Variants in DOCK3 observed in about 807,000 individuals in gnomAD.
The protein encoded by DOCK3 is dedicator of cytokinesis 3.
DOCK3 carries 60 observed loss-of-function variants against 265.6 expected under a neutral mutation model. The ratio of observed to expected loss-of-function variants is 0.23; its 90% CI spans 0.18 to 0.28. The LOEUF (loss-of-function observed/expected upper bound fraction) is 0.28, where lower values mean the gene tolerates loss of function less well. Ranked by LOEUF, DOCK3 falls within the 10% of genes least tolerant of loss-of-function variation. The pLI is 1.00. For synonymous variants in DOCK3, 881 were observed against 938.0 expected (o/e 0.94, Z 1.11); for missense variants, 1,981 against 2,594.3 (o/e 0.76, Z 5.14).
intron 3 of DOCK3, among the ~76,000 whole-genome samples, chr3:50,864,203 T>G (rs2047037980): frequency 6.6e-6 from 1 of 152,202 alleles, no homozygotes; most frequent in African/African-American, 2.4e-5. Flanking sequence ...TTCCTGATTA[T>G]TAGTGATATT....
At chr3:50,677,494 C>T (rs1374300830) in intron 1 of DOCK3, among the ~76,000 whole-genome samples, 1 of 152,192 alleles carries the variant, frequency 6.6e-6, no homozygotes, top group Non-Finnish European at 1.5e-5. Context: ...TAACCATTAT[C>T]ATTTTCCTGT....
intron 1 of DOCK3, among the ~76,000 whole-genome samples, chr3:50,680,711 A>G (rs570495466): frequency 6.7e-6 from 1 of 149,522 alleles, no homozygotes; most frequent in African/African-American, 2.5e-5. Context: ...GGGTCTTGCT[A>G]TTTTACTCAG....
At position 50,948,039 on chromosome 3, in the gene DOCK3, T is replaced by C. The variant is rs746672066; in HGVS notation, c.315+13962T>C. Among the ~76,000 whole-genome samples the C allele has an allele frequency of 3.4e-3, 491 of 142,568 alleles. 10 individuals carry two copies. The highest frequency in any genetic ancestry group is 5.1e-3 in the Non-Finnish European group (332 of 65,740). The allele number at this position is 142,568 out of a possible 152,430, so 93.5% of individuals were successfully genotyped here. On this transcript the variant is annotated intron_variant, in intron 5 of 52. Coordinates refer to ENST00000266037, the MANE Select transcript of DOCK3 (RefSeq NM_004947.5). ...CCCAGCTAATTATTATTATTATTATTATTATTATTATTATTATTATTATTA... is the reference window on the plus strand; with the variant it reads ...CCCAGCTAATTATTATTATTATTATCATTATTATTATTATTATTATTATTA...
At chr3:50,940,051 C>A (rs62257826) in intron 5 of DOCK3, among the ~76,000 whole-genome samples, 6 of 21,236 alleles carry the variant, frequency 2.8e-4, no homozygotes, top group African/African-American at 5.8e-4. Context: ...AAACACATAC[C>A]CACAGACACA....
chr3:50,936,865 A>G (rs2051391562), intron 5 of DOCK3, among the ~76,000 whole-genome samples: 1 of 152,250 alleles, frequency 6.6e-6, no homozygotes, highest in South Asian at 2.1e-4. Flanking sequence ...ATTAGGAATG[A>G]AGAAAGCAAT....
chr3:50,797,176 G>A (rs1455708137), intron 2 of DOCK3, among the ~76,000 whole-genome samples: 1 of 152,210 alleles, frequency 6.6e-6, no homozygotes, highest in East Asian at 1.9e-4. Flanking sequence ...TCACCACAGT[G>A]GAAGAGGCGG....
chr3:50,719,268 C>CTTTTTTTTTTTTT (rs71084106), intron 1 of DOCK3, among the ~76,000 whole-genome samples: 15 of 138,694 alleles, frequency 1.1e-4, no homozygotes, highest in Non-Finnish European at 1.2e-4. Flanking sequence ...TAGATATTTT[C>CTTTTTTTTTTTTT]TTTTTTTTTT....
intron 3 of DOCK3, among the ~76,000 whole-genome samples, chr3:50,885,028 T>C (rs1575445115): frequency 6.6e-6 from 1 of 152,340 alleles, no homozygotes; most frequent in East Asian, 1.9e-4. Context: ...ACAATGTCCT[T>C]GTGTGCCACC....
At chr3:51,031,809 C>T (rs1386747141) in intron 5 of DOCK3, among the ~76,000 whole-genome samples, 1 of 152,082 alleles carries the variant, frequency 6.6e-6, no homozygotes, top group East Asian at 1.9e-4. Flanking sequence ...ATTAATACCC[C>T]TATAAAAATG....
At chr3:51,253,208 G>T (rs1035141664) in intron 22 of DOCK3, among the ~76,000 whole-genome samples, 6 of 152,220 alleles carry the variant, frequency 3.9e-5, no homozygotes, top group Non-Finnish European at 8.8e-5. Context: ...ATCAAAGGAT[G>T]AAGCCCACTT....
intron 27 of DOCK3, among the ~76,000 whole-genome samples, chr3:51,291,271 G>A (rs1248288675): frequency 5.3e-5 from 8 of 151,490 alleles, no homozygotes; most frequent in Non-Finnish European, 1.0e-4. Context: ...TAACCCCAAA[G>A]TTAACAGAAG....
intron 24 of DOCK3, among the ~76,000 whole-genome samples, chr3:51,272,487 C>T (rs2080560716): frequency 6.8e-6 from 1 of 146,812 alleles, no homozygotes; most frequent in African/African-American, 2.5e-5. Flanking sequence ...CGGGGTTTCA[C>T]CATATTGGCC....
chr3:50,952,295 T>G (rs1191381854), intron 5 of DOCK3, among the ~76,000 whole-genome samples: 1 of 152,190 alleles, frequency 6.6e-6, no homozygotes, highest in Non-Finnish European at 1.5e-5. Context: ...GTGTCAAATG[T>G]TCTAAAACTT....
At chr3:50,893,611 C>T (rs1248900924) in intron 4 of DOCK3, among the ~76,000 whole-genome samples, 2 of 151,910 alleles carry the variant, frequency 1.3e-5, no homozygotes, top group African/African-American at 4.8e-5. Context: ...TCCTAAGAAA[C>T]TAATGGGACA....
In DOCK3 at chr3:51,379,137, C is replaced by T. The variant is rs1229302780; in HGVS notation, c.5501-988C>T. 5.9e-5 allele frequency among the ~76,000 whole-genome samples: 9 copies of T among 152,240 alleles called. 1 individual carries two copies. The highest frequency in any genetic ancestry group is 7.3e-5 in the Non-Finnish European group (5 of 68,042). Reference sequence around the variant, plus strand: ...CATCTCTACTCTTCTGTCCTGTTTTCTCTTCTCCTCCTGGCAGATCCCAGA... The same window carrying T: ...CATCTCTACTCTTCTGTCCTGTTTTTTCTTCTCCTCCTGGCAGATCCCAGA... On this transcript the variant is annotated intron_variant, in intron 51 of 52. Transcript: ENST00000266037.
At chr3:50,758,942 A>T (rs1305653041) in intron 1 of DOCK3, among the ~76,000 whole-genome samples, 1 of 152,130 alleles carries the variant, frequency 6.6e-6, no homozygotes, top group South Asian at 2.1e-4. Flanking sequence ...GCATGTCAAG[A>T]TTTTGTTACT....
chr3:51,264,084 C>T (rs1344057888), intron 23 of DOCK3, among the ~76,000 whole-genome samples: 3 of 152,186 alleles, frequency 2.0e-5, no homozygotes, highest in African/African-American at 7.2e-5. Flanking sequence ...CTGCAGAACT[C>T]TCCTCCCCAA....
intron 13 of DOCK3, among the ~76,000 whole-genome samples, chr3:51,213,397 T>A (rs2089618655): frequency 6.6e-6 from 1 of 151,984 alleles, no homozygotes; most frequent in Non-Finnish European, 1.5e-5. Context: ...GAGGGTGGTG[T>A]GGAGGGGGAA....
chr3:51,141,325 G>GTTTTTTCTTTT, intron 9 of DOCK3, among the ~76,000 whole-genome samples: 1 of 140,508 alleles, frequency 7.1e-6, no homozygotes, highest in African/African-American at 2.7e-5. Flanking sequence ...CAGTTCCTAA[G>GTTTTTTCTTTT]GGGTATAATT....
Sources: allele counts gnomAD v4.1 joint callset (sites outside exome capture counted in the v4.1 genomes callset), GRCh38; gene constraint gnomAD v4.1.1; transcripts MANE v1.5; gene names NCBI Gene and HGNC (gene_info 2026-07-23, HGNC 2026-07-21).